Variants in NT5DC1 observed in about 807,000 individuals in gnomAD.
NT5DC1 encodes 5'-nucleotidase domain-containing protein 1.
A neutral mutation model predicts 59.4 loss-of-function variants in NT5DC1; 42 were observed. The ratio of observed to expected loss-of-function variants is 0.71; its 90% confidence interval spans 0.55 to 0.92. The LOEUF (loss-of-function observed/expected upper bound fraction) is 0.92. Ranked by LOEUF, NT5DC1 falls within the 40% of genes least tolerant of loss-of-function variation. The pLI is 0.00. For synonymous variants in NT5DC1, 172 were observed against 188.1 expected (o/e 0.91, Z 0.70); for missense variants, 501 against 537.1 (o/e 0.93, Z 0.66).
intron 3 of NT5DC1, among the ~76,000 whole-genome samples, chr6:116,108,678 A>G (rs1778810910): frequency 6.6e-6 from 1 of 152,234 alleles, no homozygotes; most frequent in African/African-American, 2.4e-5. Context: ...AGGACATACA[A>G]TAGAAAGTTT....
At chr6:116,115,255 A>G (rs1778943636) in intron 4 of NT5DC1, among the ~76,000 whole-genome samples, 1 of 152,202 alleles carries the variant, frequency 6.6e-6, no homozygotes, top group Non-Finnish European at 1.5e-5. Flanking sequence ...TAAAAATAGA[A>G]TACAGTACTC....
chr6:116,130,156 C>T (rs1403387490), intron 6 of NT5DC1, among the ~76,000 whole-genome samples: 2 of 152,024 alleles, frequency 1.3e-5, no homozygotes, highest in South Asian at 2.1e-4. Flanking sequence ...AAGAAAAACA[C>T]CCCTTCATCA....
At chr6:116,158,478 A>G (rs1184969329) in intron 6 of NT5DC1, 1 of 152,228 alleles carries the variant, frequency 6.6e-6, no homozygotes, top group Non-Finnish European at 1.5e-5. Context: ...AGAAGGAAGT[A>G]TCATTTTCTT....
chr6:116,152,534 C>T (rs1272429921), intron 6 of NT5DC1, among the ~76,000 whole-genome samples: 1 of 152,192 alleles, frequency 6.6e-6, no homozygotes, highest in African/African-American at 2.4e-5. Context: ...GGCAGTCTGA[C>T]TCCTGTGTAC....
At chr6:116,172,784 CTT>C (rs1203511317) in intron 6 of NT5DC1, among the ~76,000 whole-genome samples, 1 of 152,070 alleles carries the variant, frequency 6.6e-6, no homozygotes, top group Non-Finnish European at 1.5e-5. Flanking sequence ...AGTCAAAACT[CTT>C]TTCACATCTG....
At chr6:116,218,995 G>C (rs1401998099) in intron 6 of NT5DC1, among the ~76,000 whole-genome samples, 1 of 152,118 alleles carries the variant, frequency 6.6e-6, no homozygotes, top group African/African-American at 2.4e-5. Flanking sequence ...GACTTAATCA[G>C]AAATCCAGTG....
intron 6 of NT5DC1, among the ~76,000 whole-genome samples, chr6:116,148,278 G>C (rs189521437): frequency 1.3e-5 from 2 of 152,174 alleles, no homozygotes; most frequent in African/African-American, 4.8e-5. Flanking sequence ...TTTGAATGTT[G>C]TACCAAGCAT....
chr6:116,126,006 T>A (rs1230345183), intron 6 of NT5DC1: 1 of 155,372 alleles, frequency 6.4e-6, no homozygotes, highest in Non-Finnish European at 1.4e-5. Context: ...TTAAAGTTTC[T>A]TTCCAAGCAA....
chr6:116,152,894 G>A (rs186463105), intron 6 of NT5DC1, among the ~76,000 whole-genome samples: 29 of 151,924 alleles, frequency 1.9e-4, no homozygotes, highest in South Asian at 6.2e-4. Flanking sequence ...CTATGATGTC[G>A]CCAGAGAAAA....
intron 6 of NT5DC1, among the ~76,000 whole-genome samples, chr6:116,191,030 C>T (rs1781105228): frequency 6.6e-6 from 1 of 151,908 alleles, no homozygotes; most frequent in Admixed American, 6.6e-5. Context: ...AAGTGACTTC[C>T]CCGAAGTTGC....
At chr6:116,103,764 G>T (rs1473338396) in intron 1 of NT5DC1, among the ~76,000 whole-genome samples, 1 of 152,148 alleles carries the variant, frequency 6.6e-6, no homozygotes, top group African/African-American at 2.4e-5. Flanking sequence ...CTCAGGAAAG[G>T]CATTCTAGAA....
chr6:116,219,395 C>G (rs1377988792), intron 6 of NT5DC1, among the ~76,000 whole-genome samples: 1 of 152,138 alleles, frequency 6.6e-6, no homozygotes, highest in Non-Finnish European at 1.5e-5. Context: ...GATCCTGCAG[C>G]AAAGTTCTCC....
intron 6 of NT5DC1, among the ~76,000 whole-genome samples, chr6:116,187,649 G>A (rs1042683824): frequency 2.0e-5 from 3 of 152,034 alleles, no homozygotes; most frequent in Non-Finnish European, 4.4e-5. Context: ...TGGAGAGTTG[G>A]AAATCTATGT....
At chr6:116,119,926 A>T (rs1056868054) in intron 6 of NT5DC1, 6 of 752,778 alleles carry the variant, frequency 8.0e-6, no homozygotes, top group Non-Finnish European at 1.1e-5. Flanking sequence ...TTCAGGGGGA[A>T]GGTTTGTTGG....
chr6:116,213,516 A>AAT (rs1396257365), intron 6 of NT5DC1, among the ~76,000 whole-genome samples: 1 of 152,112 alleles, frequency 6.6e-6, no homozygotes, highest in Non-Finnish European at 1.5e-5. Context: ...AAAGCAGTAA[A>AAT]ATAACCTCTC....
intron 6 of NT5DC1, among the ~76,000 whole-genome samples, chr6:116,156,402 G>T (rs1340485989): frequency 6.6e-6 from 1 of 152,094 alleles, no homozygotes; most frequent in African/African-American, 2.4e-5. Flanking sequence ...GCACTTTGAG[G>T]TTGAAAAAAA....
intron 7 of NT5DC1, among the ~76,000 whole-genome samples, chr6:116,222,619 C>A (rs1187766682): frequency 6.6e-6 from 1 of 152,216 alleles, no homozygotes; most frequent in Non-Finnish European, 1.5e-5. Flanking sequence ...TGCTATAATG[C>A]TGCTTTCTGT....
intron 8 of NT5DC1, among the ~76,000 whole-genome samples, chr6:116,229,876 T>C (rs929410827): frequency 6.6e-6 from 1 of 152,180 alleles, no homozygotes; most frequent in Non-Finnish European, 1.5e-5. Context: ...CTGAGACCTG[T>C]TTTCCTGAGT....
At chr6:116,141,559 G>C (rs1779764046) in intron 6 of NT5DC1, among the ~76,000 whole-genome samples, 1 of 151,842 alleles carries the variant, frequency 6.6e-6, no homozygotes, top group African/African-American at 2.4e-5. Context: ...GGTAGAGAAT[G>C]TTTCATTAAT....
Sources: gnomAD v4.1 joint callset for allele counts (sites outside exome capture counted in the v4.1 genomes callset) on GRCh38, gnomAD v4.1.1 for gene constraint, MANE v1.5 for transcripts, NCBI Gene and HGNC (gene_info 2026-07-23, HGNC 2026-07-21) for gene names.